MTM1: variants seen among roughly 807,000 people sequenced by gnomAD.
MTM1 encodes myotubularin.
In MTM1, 9 loss-of-function variants were observed where a neutral mutation model predicts 52.1. The ratio of observed to expected loss-of-function variants is 0.17; its 90% CI spans 0.10 to 0.30. MTM1 has a LOEUF of 0.30. Ranked by LOEUF, MTM1 falls within the 10% of genes least tolerant of loss-of-function variation. The pLI is 1.00. For synonymous variants in MTM1, 136 were observed against 163.8 expected (o/e 0.83, Z 1.29); for missense variants, 277 against 470.7 (o/e 0.59, Z 3.81).
At chrX:150,615,318 A>G (rs909920566) in intron 5 of MTM1, among the ~76,000 whole-genome samples, 3 of 111,398 alleles carry the variant, frequency 2.7e-5, no homozygotes, top group African/African-American at 9.8e-5. Context: ...AAAGGTGGGG[A>G]TGTGTTCAAG....
intron 4 of MTM1, among the ~76,000 whole-genome samples, chrX:150,613,166 G>T (rs782380135): frequency 1.3e-4 from 14 of 106,246 alleles, no homozygotes; most frequent in African/African-American, 4.4e-4. Flanking sequence ...GGAAAGAAAA[G>T]AAAAACTTTG....
At chrX:150,656,353 T>C (rs1415954150) in intron 10 of MTM1, among the ~76,000 whole-genome samples, 1 of 109,910 alleles carries the variant, frequency 9.1e-6, no homozygotes, top group African/African-American at 3.4e-5. Context: ...ACACACACAG[T>C]GAGACTGCCA....
rs782630844 is a variant in MTM1, at chrX:150,610,807, G to C, written c.232-3782G>C. On this transcript the variant is annotated intron_variant, in intron 4 of 14. Coordinates refer to ENST00000370396, the MANE Select transcript of MTM1 (RefSeq NM_000252.3). ...ACAGTTTCCTCTGTACAGAGACAAA[G>C]AGTAGCAAGGTGTTAGCTCACTTTT... Among the ~76,000 whole-genome samples the C allele has an allele frequency of 1.1e-3, 126 of 112,204 alleles. 2 individuals carry two copies. Among genetic ancestry groups the C allele is most frequent in the South Asian group, 7.8e-3 (21 of 2,689 alleles).
chrX:150,661,290 C>A (rs1484229052), intron 13 of MTM1, among the ~76,000 whole-genome samples: 1 of 111,619 alleles, frequency 9.0e-6, no homozygotes, highest in Admixed American at 9.5e-5. Context: ...TCCCAAAGTG[C>A]TGGGATTGCA....
rs1327297128 is a variant in MTM1, at chrX:150,583,856, A to T, written c.-10-8749A>T. Among the ~76,000 whole-genome samples, 22 of 50,135 alleles carry T rather than the reference A, an allele frequency of 4.4e-4. 4 individuals carry two copies. The highest frequency in any genetic ancestry group is 6.6e-4 in the Non-Finnish European group (20 of 30,086). 43.5% of individuals were successfully genotyped at this position (50,135 alleles called of 115,157 possible). On this transcript the variant is annotated intron_variant, in intron 1 of 14. Coordinates refer to ENST00000370396, the MANE Select transcript of MTM1 (RefSeq NM_000252.3). ...ATATATAAATATATATCAAATATAT[A>T]AAATATATATTAAATATATATTAAA...
At chrX:150,659,500 C>T (rs782632070) in intron 11 of MTM1, among the ~76,000 whole-genome samples, 164 bp from the exon 12 acceptor site, 5 of 111,708 alleles carry the variant, frequency 4.5e-5, no homozygotes, top group Non-Finnish European at 7.5e-5. Context: ...TATTTTGAAA[C>T]CTTACATTGC....
At chrX:150,583,821 TATACAA>T (rs2038712184) in intron 1 of MTM1, among the ~76,000 whole-genome samples, 1 of 51,670 alleles carries the variant, frequency 1.9e-5, no homozygotes, top group Admixed American at 4.2e-4. Flanking sequence ...ATATATTAAA[TATACAA>T]AATATATATA....
intron 1 of MTM1, among the ~76,000 whole-genome samples, chrX:150,569,033 C>T (rs1020926214): frequency 8.8e-6 from 1 of 113,544 alleles, no homozygotes; most frequent in Admixed American, 9.1e-5. Flanking sequence ...GCCGGGCGTC[C>T]GCCCTGCCTC....
At chrX:150,671,333 T>C in intron 14 of MTM1, 95 bp from the exon 15 acceptor site, 1 of 1,013,486 alleles carries the variant, frequency 9.9e-7, no homozygotes, top group Non-Finnish European at 1.4e-6. Context: ...AAAGGGCTTA[T>C]TTACAAATCA....
At chrX:150,571,670 T>A (rs1039310383) in intron 1 of MTM1, among the ~76,000 whole-genome samples, 52 of 112,561 alleles carry the variant, frequency 4.6e-4, no homozygotes, top group African/African-American at 1.6e-3. Flanking sequence ...AGTAGCTTGC[T>A]TTTCTCGACA....
At chrX:150,654,325 T>A (rs1156244455) in intron 10 of MTM1, among the ~76,000 whole-genome samples, 9 of 110,747 alleles carry the variant, frequency 8.1e-5, no homozygotes, top group Non-Finnish European at 1.7e-4. Flanking sequence ...AAAAATGCAT[T>A]AGAACCCCAA....
intron 2 of MTM1, 144 bp downstream of exon 2, chrX:150,592,821 A>T: frequency 7.5e-6 from 3 of 398,580 alleles, no homozygotes; most frequent in Admixed American, 4.1e-5. Flanking sequence ...TGGTTTCTTT[A>T]TTGTCTCACC....
intron 8 of MTM1, among the ~76,000 whole-genome samples, chrX:150,644,894 C>A (rs1557413935): frequency 1.8e-5 from 2 of 111,891 alleles, no homozygotes; most frequent in African/African-American, 6.5e-5. Context: ...TGCTGCAGTT[C>A]TCCAGCTTCC....
chrX:150,603,280 G>A (rs994987937), intron 4 of MTM1, among the ~76,000 whole-genome samples: 7 of 111,850 alleles, frequency 6.3e-5, no homozygotes, highest in African/African-American at 2.3e-4. Context: ...AGAAGAGGAT[G>A]AGGCTGGAAG....
intron 5 of MTM1, among the ~76,000 whole-genome samples, chrX:150,615,485 TAAA>T (rs10583459): frequency 1.1e-3 from 112 of 100,158 alleles, no homozygotes; most frequent in African/African-American, 2.5e-3. Context: ...TTTGAAGTGT[TAAA>T]AAAAAAAAAA....
At chrX:150,607,983 T>C (rs1380834765) in intron 4 of MTM1, among the ~76,000 whole-genome samples, 1 of 111,201 alleles carries the variant, frequency 9.0e-6, no homozygotes, top group Admixed American at 9.6e-5. Flanking sequence ...ATGCTTGACC[T>C]GGGGTCTGAA....
chrX:150,609,835 A>G (rs1569565423), intron 4 of MTM1, among the ~76,000 whole-genome samples: 1 of 111,205 alleles, frequency 9.0e-6, no homozygotes, highest in Non-Finnish European at 1.9e-5. Flanking sequence ...GGTTTTGAGG[A>G]GTGGTTGTAG....
chrX:150,671,309 G>C (rs1463506717), intron 14 of MTM1, 119 bp from the exon 15 acceptor site: 1 of 811,037 alleles, frequency 1.2e-6, no homozygotes, highest in Non-Finnish European at 1.8e-6. Context: ...TATGTATTAT[G>C]GTAAACTTTG....
chrX:150,598,620 C>G lies in MTM1; in HGVS notation c.165C>G (p.Phe55Leu). The change falls in exon 4 of 15, where the codon TTC (phenylalanine) becomes TTG (leucine). Residue 55 changes from phenylalanine (F) to leucine (L), a missense_variant. Transcript: ENST00000370396. ...AAGAAGTTATTTACATATGTCCTTTCAATGGCCCCATTAAGGGAAGAGTTT... is the reference window on the plus strand; with the variant it reads ...AAGAAGTTATTTACATATGTCCTTTGAATGGCCCCATTAAGGGAAGAGTTT... Reference protein sequence around the residue: ...TDKEVIYICPFNGPIKGRVYI... With the variant: ...TDKEVIYICPLNGPIKGRVYI... 1 of 1,198,108 alleles carries G rather than the reference C, an allele frequency of 8.3e-7. No homozygotes were observed. The highest frequency in any genetic ancestry group is 1.1e-6 in the Non-Finnish European group (1 of 884,034).
Sources: gnomAD v4.1 joint callset for allele counts (sites outside exome capture counted in the v4.1 genomes callset) on GRCh38, gnomAD v4.1.1 for gene constraint, MANE v1.5 for transcripts, NCBI Gene and HGNC (gene_info 2026-07-23, HGNC 2026-07-21) for gene names.